The following CLSTN2 variants were observed in gnomAD, a reference collection of about 807,000 sequenced individuals.
CLSTN2 encodes calsyntenin 2, also known as calsyntenin-2.
Under a neutral mutation model 101.2 loss-of-function variants are expected in CLSTN2, and 48 were observed. The ratio of observed to expected loss-of-function variants is 0.47; its 90% CI spans 0.38 to 0.60. CLSTN2 has a LOEUF of 0.60. Among genes scored for constraint, CLSTN2 ranks in the 20% least tolerant of loss-of-function variants. CLSTN2 has a pLI of 0.00. For synonymous variants in CLSTN2, 481 were observed against 463.6 expected, an observed-to-expected ratio of 1.04 and a Z score of -0.48; for missense variants, 1,160 against 1,238.2, an observed-to-expected ratio of 0.94 and a Z score of 0.95.
intron 1 of CLSTN2, among the ~76,000 whole-genome samples, chr3:140,086,917 G>A (rs994207210): frequency 6.6e-6 from 1 of 152,138 alleles, no homozygotes; most frequent in African/African-American, 2.4e-5. Flanking sequence ...TCCTCACAAT[G>A]ACCTTTTTAA....
At chr3:140,239,400 T>C (rs2086440992) in intron 2 of CLSTN2, among the ~76,000 whole-genome samples, 1 of 152,208 alleles carries the variant, frequency 6.6e-6, no homozygotes, top group Admixed American at 6.5e-5. Context: ...AGCTAAACTA[T>C]GACACAATGC....
At chr3:140,264,422 A>G (rs981741825) in intron 2 of CLSTN2, among the ~76,000 whole-genome samples, 3 of 136,596 alleles carry the variant, frequency 2.2e-5, no homozygotes, top group Admixed American at 7.5e-5. Flanking sequence ...ATATATATAT[A>G]TATATAAAAT....
intron 2 of CLSTN2, among the ~76,000 whole-genome samples, chr3:140,214,845 T>C (rs1576469910): frequency 6.6e-6 from 1 of 152,254 alleles, no homozygotes; most frequent in Non-Finnish European, 1.5e-5. Context: ...ATCTGTTTTC[T>C]TACACTTTGG....
At chr3:140,119,455 A>G (rs1457514280) in intron 1 of CLSTN2, among the ~76,000 whole-genome samples, 1 of 152,190 alleles carries the variant, frequency 6.6e-6, no homozygotes. Flanking sequence ...GGTTAGTGTA[A>G]GCCGTTAATT....
At chr3:140,040,896 A>G (rs2007748544) in intron 1 of CLSTN2, among the ~76,000 whole-genome samples, 1 of 152,028 alleles carries the variant, frequency 6.6e-6, no homozygotes, top group Non-Finnish European at 1.5e-5. Flanking sequence ...CTTGTGGTAA[A>G]TCTGTCATTT....
chr3:140,545,749 T>C (rs77427406), intron 9 of CLSTN2, among the ~76,000 whole-genome samples: 1 of 151,998 alleles, frequency 6.6e-6, no homozygotes, highest in Non-Finnish European at 1.5e-5. Context: ...CACTTGCACA[T>C]GGGTAAAAGT....
intron 9 of CLSTN2, among the ~76,000 whole-genome samples, chr3:140,534,676 A>G (rs173256): frequency 1 from 152,157 of 152,354 alleles, 75,980 homozygotes; most frequent in Middle Eastern, 1. Context: ...AACTCTTAAA[A>G]CTTCCACCTA....
intron 11 of CLSTN2, chr3:140,556,866 G>A: frequency 1.8e-6 from 1 of 561,486 alleles, no homozygotes; most frequent in Non-Finnish European, 3.2e-6. Flanking sequence ...TTACCACCTT[G>A]AATCCACCTT....
At chr3:140,311,515 T>G (rs2087168642) in intron 2 of CLSTN2, among the ~76,000 whole-genome samples, 1 of 150,948 alleles carries the variant, frequency 6.6e-6, no homozygotes, top group East Asian at 2.0e-4. Flanking sequence ...TTTCACCATG[T>G]TGGCCAGGCT....
intron 8 of CLSTN2, among the ~76,000 whole-genome samples, chr3:140,526,143 C>T (rs1200066071): frequency 6.6e-6 from 1 of 152,082 alleles, no homozygotes; most frequent in African/African-American, 2.4e-5. Flanking sequence ...AACCATCTCT[C>T]TTTTCAAATG....
chr3:140,146,908 A>G (rs925364164), intron 1 of CLSTN2, among the ~76,000 whole-genome samples: 14 of 152,270 alleles, frequency 9.2e-5, no homozygotes, highest in African/African-American at 3.4e-4. Flanking sequence ...TTATTCTTCA[A>G]CCCTTATTTA....
intron 2 of CLSTN2, among the ~76,000 whole-genome samples, chr3:140,363,191 CA>C (rs2087748258): frequency 6.6e-6 from 1 of 152,016 alleles, no homozygotes; most frequent in African/African-American, 2.4e-5. Context: ...AAATGAATCT[CA>C]AAAACACTAT....
intron 2 of CLSTN2, among the ~76,000 whole-genome samples, chr3:140,364,604 A>G (rs2087764669): frequency 6.6e-6 from 1 of 152,114 alleles, no homozygotes; most frequent in Admixed American, 6.5e-5. Flanking sequence ...GCAGCTTACA[A>G]TAGCAGTTGG....
intron 5 of CLSTN2, among the ~76,000 whole-genome samples, chr3:140,438,957 C>G (rs762722153): frequency 6.6e-6 from 1 of 152,124 alleles, no homozygotes; most frequent in African/African-American, 2.4e-5. Context: ...CTGAACACCA[C>G]ATAGTTCTCT....
intron 1 of CLSTN2, among the ~76,000 whole-genome samples, chr3:140,026,889 C>T (rs1025069697): frequency 1.4e-4 from 21 of 152,182 alleles, no homozygotes; most frequent in Admixed American, 6.5e-5. Context: ...TTGGCTGGAT[C>T]GCAGGTCCCT....
chr3:140,176,255 TTTTG>T (rs1316046109), intron 2 of CLSTN2, among the ~76,000 whole-genome samples, 182 bp downstream of exon 2: 22 of 152,308 alleles, frequency 1.4e-4, no homozygotes, highest in African/African-American at 5.3e-4. Context: ...GTCCTTATGT[TTTTG>T]TTTGTTTGTT....
intron 1 of CLSTN2, among the ~76,000 whole-genome samples, chr3:140,130,387 T>C (rs2009504414): frequency 6.6e-6 from 1 of 152,196 alleles, no homozygotes; most frequent in Non-Finnish European, 1.5e-5. Flanking sequence ...GAACCTTCAC[T>C]GATCCTCAGA....
intron 2 of CLSTN2, among the ~76,000 whole-genome samples, chr3:140,219,853 C>T (rs2107852006): frequency 6.6e-6 from 1 of 152,296 alleles, no homozygotes; most frequent in East Asian, 1.9e-4. Context: ...GCTATCATAC[C>T]TACCTCTTAC....
chr3:140,125,300 GA>G (rs1240532702), intron 1 of CLSTN2, among the ~76,000 whole-genome samples: 2 of 152,078 alleles, frequency 1.3e-5, no homozygotes, highest in East Asian at 1.9e-4. Context: ...ACTTATATGT[GA>G]AAAAATTGTT....
Sources: allele counts gnomAD v4.1 joint callset (sites outside exome capture counted in the v4.1 genomes callset), GRCh38; gene constraint gnomAD v4.1.1; transcripts MANE v1.5; gene names NCBI Gene and HGNC (gene_info 2026-07-23, HGNC 2026-07-21).